KCNH7: variants seen among roughly 807,000 people sequenced by gnomAD.
KCNH7 encodes the protein potassium voltage-gated channel subfamily H member 7.
Under a neutral mutation model 120.8 loss-of-function variants are expected in KCNH7, and 49 were observed. The observed-to-expected ratio is 0.41, with a 90% CI of 0.32 to 0.51. The LOEUF (loss-of-function observed/expected upper bound fraction) is 0.51, where lower values mean the gene tolerates loss of function less well. Among genes scored for constraint, KCNH7 ranks in the 20% least tolerant of loss-of-function variants. KCNH7 has a pLI of 0.38. For missense variants in KCNH7, 1,097 were observed against 1,446.6 expected (o/e 0.76, Z 3.92); for synonymous variants, 547 against 516.1 (o/e 1.06, Z -0.81).
chr2:162,697,926 A>G (rs953563587), intron 2 of KCNH7, among the ~76,000 whole-genome samples: 1 of 152,160 alleles, frequency 6.6e-6, no homozygotes, highest in African/African-American at 2.4e-5. Flanking sequence ...TCTGAAAACA[A>G]TAAGAATATT....
intron 2 of KCNH7, among the ~76,000 whole-genome samples, chr2:162,759,758 C>T (rs1044529683): frequency 6.6e-6 from 1 of 151,862 alleles, no homozygotes; most frequent in Admixed American, 6.6e-5. Flanking sequence ...AAAAAATATC[C>T]AGAGAACAAA....
intron 2 of KCNH7, among the ~76,000 whole-genome samples, chr2:162,584,104 T>C (rs1239342189): frequency 6.6e-6 from 1 of 152,138 alleles, no homozygotes; most frequent in Admixed American, 6.5e-5. Context: ...ACTTACTGCA[T>C]GTGGAATTGC....
chr2:162,725,184 G>A (rs745763380), intron 2 of KCNH7, among the ~76,000 whole-genome samples: 11 of 152,048 alleles, frequency 7.2e-5, no homozygotes, highest in Non-Finnish European at 1.2e-4. Flanking sequence ...TTTGTTATTC[G>A]TAATACTCAT....
intron 9 of KCNH7, among the ~76,000 whole-genome samples, chr2:162,421,130 C>G (rs1175343397): frequency 6.6e-6 from 1 of 152,068 alleles, no homozygotes; most frequent in Non-Finnish European, 1.5e-5. Flanking sequence ...AACAAGAAGT[C>G]CGTGCAAAGT....
intron 2 of KCNH7, among the ~76,000 whole-genome samples, chr2:162,705,879 T>C (rs2105350074): frequency 6.6e-6 from 1 of 152,248 alleles, no homozygotes; most frequent in Admixed American, 6.6e-5. Flanking sequence ...GAAAACACCC[T>C]AAATCAACTG....
chr2:162,808,880 T>C (rs146444473), intron 2 of KCNH7, among the ~76,000 whole-genome samples: 3 of 152,202 alleles, frequency 2.0e-5, no homozygotes, highest in Admixed American at 2.0e-4. Context: ...AGTCAGCTGC[T>C]GCTGAATTTT....
intron 2 of KCNH7, among the ~76,000 whole-genome samples, chr2:162,613,108 C>CA (rs1683024215): frequency 6.6e-6 from 1 of 151,898 alleles, no homozygotes; most frequent in Non-Finnish European, 1.5e-5. Flanking sequence ...CAAGGATACT[C>CA]AGATTGAGGG....
intron 2 of KCNH7, among the ~76,000 whole-genome samples, chr2:162,757,520 G>C (rs1041592096): frequency 6.6e-6 from 1 of 152,006 alleles, no homozygotes; most frequent in African/African-American, 2.4e-5. Context: ...ATGTTTGTAA[G>C]GTTAGCCATT....
At chr2:162,707,457 A>G (rs951449673) in intron 2 of KCNH7, among the ~76,000 whole-genome samples, 5 of 152,244 alleles carry the variant, frequency 3.3e-5, no homozygotes, top group Non-Finnish European at 5.9e-5. Flanking sequence ...AAAATTAACT[A>G]AAATAATTTT....
chr2:162,402,773 T>C (rs1168274030), intron 9 of KCNH7, among the ~76,000 whole-genome samples: 8 of 151,678 alleles, frequency 5.3e-5, no homozygotes, highest in Non-Finnish European at 7.4e-5. Context: ...TAAAACTTGG[T>C]ATAGAAAAAA....
At chr2:162,543,172 T>C (rs1410155998) in intron 2 of KCNH7, among the ~76,000 whole-genome samples, 1 of 152,046 alleles carries the variant, frequency 6.6e-6, no homozygotes, top group African/African-American at 2.4e-5. Context: ...ATAATGTATA[T>C]AGAAGCATTA....
intron 2 of KCNH7, among the ~76,000 whole-genome samples, chr2:162,590,787 C>G (rs1162972774): frequency 6.6e-6 from 1 of 152,106 alleles, no homozygotes; most frequent in Non-Finnish European, 1.5e-5. Flanking sequence ...ATAGTCTCCA[C>G]TTCTCCTCTT....
chr2:162,743,243 G>A (rs1688200959), intron 2 of KCNH7, among the ~76,000 whole-genome samples: 1 of 151,996 alleles, frequency 6.6e-6, no homozygotes, highest in African/African-American at 2.4e-5. Context: ...TTTGCATACC[G>A]TTTTTAGCAT....
chr2:162,792,760 A>T, intron 2 of KCNH7, among the ~76,000 whole-genome samples: 2 of 98,554 alleles, frequency 2.0e-5, no homozygotes, highest in Middle Eastern at 6.4e-3. Flanking sequence ...GATCTTTTGA[A>T]TGGTGTGTGT....
At chr2:162,407,089 A>G (rs1478103386) in intron 9 of KCNH7, among the ~76,000 whole-genome samples, 1 of 152,036 alleles carries the variant, frequency 6.6e-6, no homozygotes, top group African/African-American at 2.4e-5. Flanking sequence ...TTTCTTGTAT[A>G]AACATCACAT....
chr2:162,835,993 G>A (rs1685650903), intron 2 of KCNH7, among the ~76,000 whole-genome samples: 1 of 152,076 alleles, frequency 6.6e-6, no homozygotes, highest in African/African-American at 2.4e-5. Context: ...ATATGCACAG[G>A]TTAACTGGAT....
intron 6 of KCNH7, among the ~76,000 whole-genome samples, chr2:162,484,002 A>G (rs569452163): frequency 6.6e-6 from 1 of 152,278 alleles, no homozygotes; most frequent in South Asian, 2.1e-4. Context: ...CACTGGAGTC[A>G]GAGTCCAGAA....
intron 2 of KCNH7, among the ~76,000 whole-genome samples, chr2:162,692,513 G>A (rs1177215595): frequency 6.6e-6 from 1 of 152,100 alleles, no homozygotes; most frequent in Non-Finnish European, 1.5e-5. Context: ...TAAAAAGACA[G>A]TATACTAAAT....
At position 162,537,028 on chromosome 2, in the gene KCNH7, G is replaced by T; in HGVS notation, c.360C>A (p.Gly120=). The T allele has an allele frequency of 6.2e-7, 1 of 1,612,304 alleles. No homozygotes were observed. Among genetic ancestry groups the T allele is most frequent in the Non-Finnish European group, 8.5e-7 (1 of 1,178,808 alleles). Reference sequence around the variant, plus strand: ...AATTAATGATGAACATCATAGCCACGCCCTCTTGGTTTTTCACTGGAATTA... The same window carrying T: ...AATTAATGATGAACATCATAGCCACTCCCTCTTGGTTTTTCACTGGAATTA... ...THIIPVKNQE[G]VAMMFIINFE... The change falls in exon 3 of 16, where the codon GGC becomes GGA. Residue 120 remains glycine, a synonymous_variant. Coordinates refer to ENST00000332142, the MANE Select transcript of KCNH7 (RefSeq NM_033272.4).
Sources: gnomAD v4.1 joint callset for allele counts (sites outside exome capture counted in the v4.1 genomes callset) on GRCh38, gnomAD v4.1.1 for gene constraint, MANE v1.5 for transcripts, NCBI Gene and HGNC (gene_info 2026-07-23, HGNC 2026-07-21) for gene names.